Variants in BAIAP2L1 observed in about 807,000 individuals in gnomAD.
The protein encoded by BAIAP2L1 is BAR/IMD domain-containing adapter protein 2-like 1.
A neutral mutation model predicts 66.3 loss-of-function variants in BAIAP2L1; 35 were observed. That is an observed-to-expected ratio of 0.53 (90% CI 0.40 to 0.70). BAIAP2L1 has a LOEUF of 0.70. Ranked by LOEUF, BAIAP2L1 falls within the 30% of genes least tolerant of loss-of-function variation. BAIAP2L1 has a pLI of 0.00. For synonymous variants in BAIAP2L1, 269 were observed against 248.7 expected, an observed-to-expected ratio of 1.08 and a Z score of -0.77; for missense variants, 622 against 656.9, an observed-to-expected ratio of 0.95 and a Z score of 0.58.
intron 1 of BAIAP2L1, among the ~76,000 whole-genome samples, chr7:98,397,318 CTTTTTTTT>C (rs36101597): frequency 2.1e-4 from 16 of 74,528 alleles, no homozygotes; most frequent in East Asian, 4.0e-4. Context: ...TTCTTAAGCC[CTTTTTTTT>C]TTTTTTTTTT....
At chr7:98,338,988 G>A (rs1233866367) in intron 3 of BAIAP2L1, among the ~76,000 whole-genome samples, 6 of 151,276 alleles carry the variant, frequency 4.0e-5, no homozygotes, top group Admixed American at 6.6e-5. Context: ...CAGGAGAATC[G>A]CTTGAACCCA....
At chr7:98,355,302 C>A in intron 2 of BAIAP2L1, 174 bp from the exon 3 acceptor site, 1 of 613,184 alleles carries the variant, frequency 1.6e-6, no homozygotes, top group Non-Finnish European at 3.0e-6. Flanking sequence ...GGGGTGGAGG[C>A]CCTCCAGCCA....
At chr7:98,387,625 T>A (rs1429337720) in intron 1 of BAIAP2L1, among the ~76,000 whole-genome samples, 1 of 151,450 alleles carries the variant, frequency 6.6e-6, no homozygotes, top group Admixed American at 6.6e-5. Flanking sequence ...TTTGGGAGGC[T>A]GAGGTGGGAG....
In BAIAP2L1 at chr7:98,312,123, A is replaced by T; in HGVS notation, c.781T>A (p.Ser261Thr). The change falls in exon 8 of 14, where the codon TCA becomes ACA. Residue 261 changes from serine (S) to threonine (T), a missense_variant. Ser to Thr is a moderately conservative substitution (Grantham distance 58). Transcript: ENST00000005260. ...ACATTGCTTCTCTCGATCATGGGTG[A>T]AGCCTGAGGAGTTCCAGACACGGGG... ...STPVSGTPQA[S>T]PMIERSNVVR... 1 of 1,609,908 alleles carries T rather than the reference A, an allele frequency of 6.2e-7. No homozygotes were observed. Among genetic ancestry groups the T allele is most frequent in the Non-Finnish European group, 8.5e-7 (1 of 1,178,808 alleles).
At chr7:98,354,935 G>C in intron 3 of BAIAP2L1, 107 bp downstream of exon 3, 3 of 814,154 alleles carry the variant, frequency 3.7e-6, no homozygotes, top group Non-Finnish European at 6.3e-6. Context: ...ACCACAGCAT[G>C]CTGGCCCAGA....
chr7:98,293,213 T>C lies in BAIAP2L1; in HGVS notation c.*308A>G, dbSNP rs1287848232. 7.6e-5 allele frequency: 24 copies of C among 313,742 alleles called. No homozygotes were observed. The highest frequency in any genetic ancestry group is 1.3e-4 in the Non-Finnish European group (22 of 172,582). 19.4% of individuals were successfully genotyped at this position (313,742 alleles called of 1,614,324 possible). A position where few individuals can be genotyped will look rare whatever the true frequency, so the allele number is the denominator to read the frequency against. On this transcript the variant is annotated 3_prime_UTR_variant, in exon 14 of 14. Coordinates refer to ENST00000005260, the MANE Select transcript of BAIAP2L1 (RefSeq NM_018842.5). ...AGACTATCCCTTATTCTGGCTGTTA[T>C]TAAGGAAAAAATTCATTTAAAAAAT...
chr7:98,306,628 C>A, intron 10 of BAIAP2L1, 112 bp from the exon 11 acceptor site: 1 of 1,480,964 alleles, frequency 6.8e-7, no homozygotes, highest in Non-Finnish European at 9.3e-7. Flanking sequence ...TCCAGAAACG[C>A]CCATGTGTGG....
At chr7:98,330,323 G>C (rs951819796) in intron 3 of BAIAP2L1, among the ~76,000 whole-genome samples, 4 of 152,188 alleles carry the variant, frequency 2.6e-5, no homozygotes, top group Admixed American at 2.6e-4. Flanking sequence ...TCCGTTTTGT[G>C]TTGCTTATAA....
At chr7:98,328,109 C>T (rs999177558) in intron 3 of BAIAP2L1, among the ~76,000 whole-genome samples, 2 of 151,614 alleles carry the variant, frequency 1.3e-5, no homozygotes, top group Admixed American at 1.3e-4. Flanking sequence ...GCTCAAAAGA[C>T]ATTGATTTTT....
At chr7:98,354,977 C>T (rs561796872) in intron 3 of BAIAP2L1, 65 bp downstream of exon 3, 142 of 1,217,610 alleles carry the variant, frequency 1.2e-4, no homozygotes, top group East Asian at 1.1e-3. Context: ...GGCCATCCCA[C>T]GCGTTTCTCT....
intron 2 of BAIAP2L1, among the ~76,000 whole-genome samples, chr7:98,359,419 C>T (rs981348446): frequency 6.6e-6 from 1 of 152,008 alleles, no homozygotes; most frequent in Admixed American, 6.6e-5. Flanking sequence ...ATTACAGGCA[C>T]CCGCCACCAC....
In BAIAP2L1 at chr7:98,400,848, G is replaced by A. The variant is rs868863743; in HGVS notation, c.5C>T (p.Ser2Phe). 6.5e-7 allele frequency: 1 copy of A among 1,542,176 alleles called. No homozygotes were observed. The highest frequency in any genetic ancestry group is 8.7e-7 in the Non-Finnish European group (1 of 1,143,188). ...CCGGTTCACCTCCTCGGGCCCCCGG[G>A]ACATGGCTGCGGCCGCCGGGCGAGC... M[S>F]RGPEEVNRLT... Residue 2 changes from serine to phenylalanine, a missense_variant, in exon 1 of 14, where the codon TCC (serine) becomes TTC (phenylalanine). By Grantham distance (155) the Ser-to-Phe change is radical. Coordinates refer to ENST00000005260, the MANE Select transcript of BAIAP2L1 (RefSeq NM_018842.5).
At chr7:98,376,657 CAAAAAA>C (rs71112147) in intron 1 of BAIAP2L1, among the ~76,000 whole-genome samples, 1 of 92,934 alleles carries the variant, frequency 1.1e-5, no homozygotes, top group African/African-American at 4.4e-5. Flanking sequence ...CCCATCTTTA[CAAAAAA>C]AAAAAAAAAA....
At chr7:98,294,006 C>A (rs1800077832) in intron 13 of BAIAP2L1, 68 bp downstream of exon 13, 11 of 1,551,618 alleles carry the variant, frequency 7.1e-6, no homozygotes, top group Non-Finnish European at 8.9e-6. Flanking sequence ...CACCGAAGGC[C>A]CTTCCGGGGG....
chr7:98,365,605 C>CG (rs145244345), intron 1 of BAIAP2L1, among the ~76,000 whole-genome samples: 14 of 151,932 alleles, frequency 9.2e-5, no homozygotes, highest in Non-Finnish European at 1.3e-4. Flanking sequence ...CAAGTAGCTG[C>CG]GGGGGGTGGA....
rs1310946938 is a variant in BAIAP2L1 at position 98,319,375 on chromosome 7, G to A, written c.348+683C>T. 5.9e-5 allele frequency among the ~76,000 whole-genome samples: 9 copies of A among 152,276 alleles called. 1 individual carries two copies. The highest frequency in any genetic ancestry group is 3.4e-3 in the Middle Eastern group (1 of 294). ...TGGGCCAGGGCACACCGGGAGCCCC[G>A]GACGGTGCTCTCCCGCACACCACCC... is the stretch of plus-strand genomic sequence containing the variant. On this transcript the variant is annotated intron_variant, in intron 5 of 13. Coordinates refer to ENST00000005260, the MANE Select transcript of BAIAP2L1 (RefSeq NM_018842.5).
chr7:98,401,078 G>T lies in BAIAP2L1; in HGVS notation c.-226C>A. 2.7e-6 allele frequency: 1 copy of T among 374,352 alleles called. No homozygotes were observed. Among genetic ancestry groups the T allele is most frequent in the Non-Finnish European group, 4.7e-6 (1 of 214,932 alleles). The allele number at this position is 374,352 out of a possible 1,614,324, so 23.2% of individuals were successfully genotyped here. On this transcript the variant is annotated 5_prime_UTR_variant, in exon 1 of 14. Transcript: ENST00000005260. ...TCGAGGAGCAGAGGAGAAGCGGCCG[G>T]ACGCCGCCAGAGGAAGCTGGGCGGG...
chr7:98,304,081 A>T (rs1450339029), intron 12 of BAIAP2L1, 115 bp downstream of exon 12: 2 of 1,130,078 alleles, frequency 1.8e-6, no homozygotes, highest in East Asian at 5.9e-5. Flanking sequence ...CTCCCCGGGG[A>T]CACCACTCTC....
chr7:98,294,245 G>T, intron 12 of BAIAP2L1, 134 bp from the exon 13 acceptor site: 2 of 873,306 alleles, frequency 2.3e-6, no homozygotes, highest in Non-Finnish European at 3.6e-6. Context: ...CTTCCACCTT[G>T]GCCTCCTAAT....
Sources: allele counts gnomAD v4.1 joint callset (sites outside exome capture counted in the v4.1 genomes callset), GRCh38; gene constraint gnomAD v4.1.1; transcripts MANE v1.5; gene names NCBI Gene and HGNC (gene_info 2026-07-23, HGNC 2026-07-21).